The following NETO1 variants were observed in gnomAD, a reference collection of about 807,000 sequenced individuals.
NETO1 encodes neuropilin and tolloid like 1.
Under a neutral mutation model 61.3 loss-of-function variants are expected in NETO1, and 26 were observed. The observed-to-expected ratio is 0.42, with a 90% CI of 0.31 to 0.59. The LOEUF (loss-of-function observed/expected upper bound fraction) is 0.59. Among genes scored for constraint, NETO1 ranks in the 20% least tolerant of loss-of-function variants. NETO1 has a pLI of 0.12. For synonymous variants in NETO1, 225 were observed against 225.8 expected, an observed-to-expected ratio of 1.00 and a Z score of 0.03; for missense variants, 531 against 662.8, an observed-to-expected ratio of 0.80 and a Z score of 2.18.
At chr18:72,798,019 T>G (rs1325954287) in intron 4 of NETO1, among the ~76,000 whole-genome samples, 1 of 152,236 alleles carries the variant, frequency 6.6e-6, no homozygotes, top group African/African-American at 2.4e-5. Flanking sequence ...CAATTACAAT[T>G]TACAATTATT....
intron 8 of NETO1, among the ~76,000 whole-genome samples, chr18:72,754,575 A>G (rs1448851188): frequency 6.6e-6 from 1 of 152,166 alleles, no homozygotes; most frequent in Admixed American, 6.6e-5. Flanking sequence ...AACTGCACTA[A>G]ACTCTAGAAG....
intron 4 of NETO1, among the ~76,000 whole-genome samples, chr18:72,839,048 A>C (rs2073841867): frequency 6.6e-6 from 1 of 152,218 alleles, no homozygotes; most frequent in Non-Finnish European, 1.5e-5. Context: ...CTACTGTACC[A>C]CTAAGCATTC....
chr18:72,847,961 A>T (rs8082967), intron 4 of NETO1, among the ~76,000 whole-genome samples: 4,020 of 152,274 alleles, frequency 0.026, 136 homozygotes, highest in East Asian at 0.097. Context: ...TTTCAGGATC[A>T]AGAGACTTCC....
chr18:72,852,542 T>G (rs2074284409), intron 4 of NETO1, among the ~76,000 whole-genome samples: 1 of 152,092 alleles, frequency 6.6e-6, no homozygotes, highest in South Asian at 2.1e-4. Flanking sequence ...TATGGGAAAC[T>G]TCTTAAAAAT....
At chr18:72,798,393 G>T (rs1160106924) in intron 4 of NETO1, among the ~76,000 whole-genome samples, 4 of 152,200 alleles carry the variant, frequency 2.6e-5, no homozygotes, top group African/African-American at 4.8e-5. Flanking sequence ...CATTAGCAAA[G>T]AAGTTTGACT....
At chr18:72,773,239 C>A (rs2071435407) in intron 7 of NETO1, among the ~76,000 whole-genome samples, 1 of 151,988 alleles carries the variant, frequency 6.6e-6, no homozygotes, top group South Asian at 2.1e-4. Flanking sequence ...GGGCATTTTT[C>A]TCTCAAGTTC....
At position 72,830,890 on chromosome 18, in the gene NETO1, A is replaced by G. The variant is rs945159931; in HGVS notation, c.469+27936T>C. Among the ~76,000 whole-genome samples the G allele has an allele frequency of 6.6e-6, 1 of 152,052 alleles. No homozygotes were observed. Among genetic ancestry groups the G allele is most frequent in the African/African-American group, 2.4e-5 (1 of 41,392 alleles). On this transcript the variant is annotated intron_variant, in intron 4 of 10. Coordinates refer to ENST00000327305, the MANE Select transcript of NETO1 (RefSeq NM_138966.5). This position sits in a 1 kb window ranked among gnomAD's most constrained non-coding sequence, Gnocchi z 4.9. ...CCCCTATTTTCTTCTCTGAACATTG[A>G]GTTTTCATTTACCACTGCAGGAAAA...
rs185020132 is a variant in NETO1 at position 72,795,688 on chromosome 18, T to C, written c.470-1284A>G. ...CGTGACGTTTTGATATATGTGTACA[T>C]TGTCAAATGGCTAAATCAAGATAAT... On this transcript the variant is annotated intron_variant, in intron 4 of 10. Coordinates refer to ENST00000327305, the MANE Select transcript of NETO1 (RefSeq NM_138966.5). Among the ~76,000 whole-genome samples, 282 of 152,234 alleles carry C rather than the reference T, an allele frequency of 1.9e-3. 1 individual carries two copies. Among genetic ancestry groups the C allele is most frequent in the East Asian group, 9.3e-3 (48 of 5,174 alleles).
At chr18:72,818,947 C>A (rs1285438794) in intron 4 of NETO1, among the ~76,000 whole-genome samples, 1 of 152,118 alleles carries the variant, frequency 6.6e-6, no homozygotes, top group Non-Finnish European at 1.5e-5. Context: ...GTATTCTACA[C>A]CTAAAACACA....
intron 4 of NETO1, among the ~76,000 whole-genome samples, chr18:72,807,208 T>C (rs914916988): frequency 6.6e-6 from 1 of 152,226 alleles, no homozygotes; most frequent in Non-Finnish European, 1.5e-5. Context: ...TTGACAATTA[T>C]AGCTTCTCTT....
At chr18:72,793,269 T>C (rs2072194381) in intron 6 of NETO1, among the ~76,000 whole-genome samples, 1 of 152,152 alleles carries the variant, frequency 6.6e-6, no homozygotes, top group South Asian at 2.1e-4. Flanking sequence ...AACTGAGGAA[T>C]ATAAACCAAA....
chr18:72,860,790 T>C (rs181355724), intron 3 of NETO1, among the ~76,000 whole-genome samples: 3 of 151,712 alleles, frequency 2.0e-5, no homozygotes, highest in Non-Finnish European at 4.4e-5. Context: ...TGACTAACCA[T>C]GTTTTATGCT....
intron 4 of NETO1, among the ~76,000 whole-genome samples, chr18:72,813,740 C>T (rs2072941962): frequency 6.6e-6 from 1 of 151,974 alleles, no homozygotes; most frequent in South Asian, 2.1e-4. Flanking sequence ...CAGTGCATTG[C>T]ACAGACAGAT....
At chr18:72,817,901 G>A (rs1352681754) in intron 4 of NETO1, among the ~76,000 whole-genome samples, 1 of 152,192 alleles carries the variant, frequency 6.6e-6, no homozygotes, top group East Asian at 1.9e-4. Flanking sequence ...CACCCATATA[G>A]AATGGAAATA....
intron 7 of NETO1, among the ~76,000 whole-genome samples, chr18:72,766,688 T>A (rs1476269584): frequency 6.6e-6 from 1 of 152,190 alleles, no homozygotes; most frequent in Non-Finnish European, 1.5e-5. Flanking sequence ...ATGAGATTCC[T>A]CCCCAATCTT....
chr18:72,815,531 T>A (rs1430229043), intron 4 of NETO1, among the ~76,000 whole-genome samples: 1 of 152,114 alleles, frequency 6.6e-6, no homozygotes, highest in Non-Finnish European at 1.5e-5. Context: ...AATTTGAGCC[T>A]CTAAAACGTT....
intron 4 of NETO1, among the ~76,000 whole-genome samples, chr18:72,852,060 A>G (rs1414355407): frequency 1.3e-5 from 2 of 152,132 alleles, no homozygotes; most frequent in Non-Finnish European, 2.9e-5. Flanking sequence ...TATATCTAGG[A>G]CCCCATGTGT....
At chr18:72,864,413 T>C (rs990738472) in intron 3 of NETO1, among the ~76,000 whole-genome samples, 4 of 152,238 alleles carry the variant, frequency 2.6e-5, no homozygotes, top group African/African-American at 9.6e-5. Flanking sequence ...TTGTAATTTA[T>C]AATACTAAAG....
intron 4 of NETO1, among the ~76,000 whole-genome samples, chr18:72,820,333 A>T (rs2073152516): frequency 1.3e-5 from 2 of 152,254 alleles, no homozygotes; most frequent in African/African-American, 4.8e-5. Flanking sequence ...GAGCAATTAA[A>T]CGAAGAGATT....
Sources: gnomAD v4.1 joint callset for allele counts (sites outside exome capture counted in the v4.1 genomes callset) on GRCh38, gnomAD v4.1.1 for gene constraint, Gnocchi (gnomAD v3.1) non-coding constraint, MANE v1.5 for transcripts, NCBI Gene and HGNC (gene_info 2026-07-23, HGNC 2026-07-21) for gene names.